The following AZIN1 variants were observed in gnomAD, a reference collection of about 807,000 sequenced individuals.
AZIN1 encodes antizyme inhibitor 1.
AZIN1 carries 12 observed loss-of-function variants against 47.4 expected under a neutral mutation model. The ratio of observed to expected loss-of-function variants is 0.25; its 90% CI spans 0.16 to 0.41. AZIN1 has a LOEUF of 0.41. Ranked by LOEUF, AZIN1 falls within the 10% of genes least tolerant of loss-of-function variation. The pLI, the probability that AZIN1 is intolerant of heterozygous loss-of-function variation, is 1.00. For synonymous variants in AZIN1, 155 were observed against 176.3 expected, an observed-to-expected ratio of 0.88 and a Z score of 0.96; for missense variants, 410 against 532.4, an observed-to-expected ratio of 0.77 and a Z score of 2.26.
At chr8:102,848,762 T>A (rs1366900208) in intron 2 of AZIN1, among the ~76,000 whole-genome samples, 5 of 152,244 alleles carry the variant, frequency 3.3e-5, no homozygotes, top group Middle Eastern at 3.4e-3. Context: ...TTAGCAAAAA[T>A]AGTTTACAGT....
intron 2 of AZIN1, among the ~76,000 whole-genome samples, chr8:102,852,713 T>A (rs929753384): frequency 6.6e-6 from 1 of 152,184 alleles, no homozygotes; most frequent in African/African-American, 2.4e-5. Flanking sequence ...TAACCCAGTA[T>A]GCTACACAGT....
intron 7 of AZIN1, 68 bp from the exon 8 acceptor site, chr8:102,834,331 C>A: frequency 7.5e-7 from 1 of 1,341,588 alleles, no homozygotes; most frequent in South Asian, 1.2e-5. Flanking sequence ...ATTTTAAAAA[C>A]CCCCTCCTAG....
At chr8:102,843,179 C>T (rs1812328120) in intron 3 of AZIN1, among the ~76,000 whole-genome samples, 1 of 148,052 alleles carries the variant, frequency 6.8e-6, no homozygotes. Context: ...GCACTCCAGC[C>T]TGGGCGACAG....
intron 8 of AZIN1, among the ~76,000 whole-genome samples, chr8:102,833,579 T>C (rs1041189994): frequency 6.6e-6 from 1 of 151,558 alleles, no homozygotes; most frequent in African/African-American, 2.4e-5. Context: ...AGCAGGAAGG[T>C]GAGAAACAGG....
chr8:102,845,038 T>A (rs1459363173), intron 2 of AZIN1, among the ~76,000 whole-genome samples: 1 of 152,188 alleles, frequency 6.6e-6, no homozygotes, highest in Non-Finnish European at 1.5e-5. Context: ...TGGTACTAAT[T>A]TCTGGTTGCC....
intron 6 of AZIN1, chr8:102,835,255 C>T (rs1158658496): frequency 1.3e-5 from 2 of 153,276 alleles, no homozygotes; most frequent in East Asian, 3.8e-4. Flanking sequence ...TAGAATACTT[C>T]CTGATTGTGG....
chr8:102,832,444 T>C (rs560173969), intron 9 of AZIN1, among the ~76,000 whole-genome samples: 4 of 152,296 alleles, frequency 2.6e-5, no homozygotes, highest in Admixed American at 2.6e-4. Flanking sequence ...GTGGCCCTTA[T>C]GTGAGAAAGT....
At chr8:102,831,319 G>A (rs750546673) in intron 9 of AZIN1, among the ~76,000 whole-genome samples, 1 of 151,920 alleles carries the variant, frequency 6.6e-6, no homozygotes, top group Admixed American at 6.6e-5. Flanking sequence ...CAATAATGAA[G>A]TTAGAAATTC....
intron 2 of AZIN1, among the ~76,000 whole-genome samples, chr8:102,851,080 A>AT (rs1262322115): frequency 6.6e-6 from 1 of 152,100 alleles, no homozygotes; most frequent in African/African-American, 2.4e-5. Context: ...TGAAGACTAA[A>AT]TTTTTTTTCT....
intron 2 of AZIN1, 148 bp from the exon 3 acceptor site, chr8:102,843,895 G>C (rs372599004): frequency 1.7e-6 from 1 of 583,996 alleles, no homozygotes; most frequent in Non-Finnish European, 2.7e-6. Flanking sequence ...TTCCTTTAAC[G>C]CCCATTTAAA....
intron 6 of AZIN1, 87 bp from the exon 7 acceptor site, chr8:102,834,834 T>G (rs1202575700): frequency 4.7e-6 from 4 of 847,366 alleles, no homozygotes; most frequent in African/African-American, 3.4e-5. Flanking sequence ...CTCATCATAT[T>G]CATACCATTA....
intron 5 of AZIN1, among the ~76,000 whole-genome samples, chr8:102,837,951 T>C (rs370519568): frequency 6.6e-6 from 1 of 152,236 alleles, no homozygotes; most frequent in East Asian, 1.9e-4. Context: ...TAAACCTTTT[T>C]ATGAGGGAGT....
rs1237560634 is a variant in AZIN1 at position 102,843,744 on chromosome 8, C to T, written c.-92G>A. 1.6e-5 allele frequency: 24 copies of T among 1,540,972 alleles called. No individual in the cohort carries two copies. In the Admixed American group the frequency reaches 5.2e-4, roughly 33 times the overall value. On this transcript the variant is annotated 5_prime_UTR_variant, in exon 3 of 12. Transcript: ENST00000337198. ...ATGTCTGGGTCCTTAGAATATGCAACAAACTGTCAAAATATAAGTTATATA... is the reference window on the plus strand; with the variant it reads ...ATGTCTGGGTCCTTAGAATATGCAATAAACTGTCAAAATATAAGTTATATA...
intron 4 of AZIN1, 21 bp from the exon 5 acceptor site, chr8:102,838,937 T>C: frequency 6.3e-7 from 1 of 1,596,888 alleles, no homozygotes; most frequent in South Asian, 1.1e-5. Flanking sequence ...GAGGTTAAAG[T>C]GAGAATACAT....
At chr8:102,842,711 A>AAAAAAC (rs1554581539) in intron 3 of AZIN1, among the ~76,000 whole-genome samples, 2 of 151,486 alleles carry the variant, frequency 1.3e-5, no homozygotes, top group Admixed American at 6.6e-5. Flanking sequence ...CATCTCAAAA[A>AAAAAAC]AAAAAACAAA....
chr8:102,842,341 G>A (rs529212766), intron 3 of AZIN1, among the ~76,000 whole-genome samples: 2 of 151,388 alleles, frequency 1.3e-5, no homozygotes, highest in Admixed American at 6.6e-5. Context: ...AGGCTGAGGC[G>A]GGCAGATCAC....
chr8:102,829,795 G>T, intron 10 of AZIN1, 26 bp downstream of exon 10: 1 of 1,521,918 alleles, frequency 6.6e-7, no homozygotes, highest in Non-Finnish European at 9.1e-7. Context: ...TGCCAAATAG[G>T]TTTTGATATT....
At chr8:102,845,226 T>G (rs976372012) in intron 2 of AZIN1, among the ~76,000 whole-genome samples, 1 of 152,148 alleles carries the variant, frequency 6.6e-6, no homozygotes, top group Non-Finnish European at 1.5e-5. Flanking sequence ...CGATGGTTCT[T>G]AAAAGTGTCA....
chr8:102,848,480 C>T (rs1812726143), intron 2 of AZIN1, among the ~76,000 whole-genome samples: 1 of 152,108 alleles, frequency 6.6e-6, no homozygotes, highest in South Asian at 2.1e-4. Context: ...CTCAAGCTAT[C>T]CTCCTGTCTC....
Sources: allele counts gnomAD v4.1 joint callset (sites outside exome capture counted in the v4.1 genomes callset), GRCh38; gene constraint gnomAD v4.1.1; transcripts MANE v1.5; gene names NCBI Gene and HGNC (gene_info 2026-07-23, HGNC 2026-07-21).